RGS6: variants seen among roughly 807,000 people sequenced by gnomAD.
The protein encoded by RGS6 is regulator of G protein signaling 6.
A neutral mutation model predicts 78.5 loss-of-function variants in RGS6; 30 were observed. That is an observed-to-expected ratio of 0.38 (90% confidence interval 0.29 to 0.52). The LOEUF (loss-of-function observed/expected upper bound fraction) is 0.52. RGS6 is among the 20% of genes least tolerant of loss of function. The pLI is 0.85. For synonymous variants in RGS6, 206 were observed against 206.0 expected (o/e 1.00, Z 0.00); for missense variants, 495 against 609.7 (o/e 0.81, Z 1.98).
intron 2 of RGS6, among the ~76,000 whole-genome samples, chr14:72,264,479 G>A (rs2058701269): frequency 6.6e-6 from 1 of 152,120 alleles, no homozygotes; most frequent in South Asian, 2.1e-4. Context: ...TTTCTTTAAA[G>A]TACAACTTAT....
At chr14:72,465,580 GGATGGA>G (rs2095880761) in intron 6 of RGS6, among the ~76,000 whole-genome samples, 172 bp from the exon 7 acceptor site, 1 of 149,202 alleles carries the variant, frequency 6.7e-6, no homozygotes, top group South Asian at 2.2e-4. Context: ...ATGGATGGAT[GGATGGA>G]TGGATGGATG....
intron 3 of RGS6, among the ~76,000 whole-genome samples, chr14:72,394,485 C>G (rs933154337): frequency 6.6e-6 from 1 of 152,120 alleles, no homozygotes; most frequent in Non-Finnish European, 1.5e-5. Context: ...ATTCCTAGAG[C>G]GGCCATTTTA....
At chr14:71,893,206 C>T in the RGS6 span, among the ~76,000 whole-genome samples, 3 of 152,326 alleles carry the variant, frequency 2.0e-5, no homozygotes, top group East Asian at 5.8e-4. Context: ...ACTAGAGGGA[C>T]TTCAGGATTC....
chr14:72,138,980 C>G (rs1315777108), intron 2 of RGS6, among the ~76,000 whole-genome samples: 1 of 152,178 alleles, frequency 6.6e-6, no homozygotes, highest in African/African-American at 2.4e-5. Flanking sequence ...GTCACCCCCA[C>G]CGACCCACCC....
chr14:72,534,334 C>G (rs2097218358), intron 15 of RGS6, among the ~76,000 whole-genome samples: 1 of 152,180 alleles, frequency 6.6e-6, no homozygotes, highest in South Asian at 2.1e-4. Context: ...GTAAACATAA[C>G]TTTTATGTGT....
At chr14:72,499,301 T>C (rs1417309315) in intron 13 of RGS6, among the ~76,000 whole-genome samples, 1 of 152,216 alleles carries the variant, frequency 6.6e-6, no homozygotes, top group Non-Finnish European at 1.5e-5. Flanking sequence ...CCTCTGGCCT[T>C]ACTGTCCATA....
chr14:72,060,492 C>T (rs7153656), intron 2 of RGS6, among the ~76,000 whole-genome samples: 107,523 of 151,642 alleles, frequency 0.71, 38,192 homozygotes, highest in East Asian at 0.83. Flanking sequence ...ACTTAGTCTA[C>T]CGTATACAAA....
chr14:72,602,198 C>T, the RGS6 span, among the ~76,000 whole-genome samples: 1 of 152,180 alleles, frequency 6.6e-6, no homozygotes, highest in African/African-American at 2.4e-5. Flanking sequence ...TTTCCTCGGC[C>T]CTGTTCTGCC....
chr14:72,601,223 T>C, the RGS6 span, among the ~76,000 whole-genome samples: 2 of 152,084 alleles, frequency 1.3e-5, no homozygotes, highest in African/African-American at 4.8e-5. Context: ...CACACACCCT[T>C]AGCATTAACC....
chr14:72,213,823 G>A (rs780093073), intron 2 of RGS6, among the ~76,000 whole-genome samples: 19 of 152,214 alleles, frequency 1.2e-4, no homozygotes, highest in African/African-American at 2.2e-4. Flanking sequence ...TCCATTTGGC[G>A]TATTCTTTAA....
At chr14:72,569,555 C>T (rs145488145), downstream of RGS6, among the ~76,000 whole-genome samples, 19,779 of 152,092 alleles carry the variant, frequency 0.13, 2,201 homozygotes, top group African/African-American at 0.3. Flanking sequence ...TGGCAGGCAC[C>T]TGTAATCCCA....
At chr14:72,036,142 T>G (rs1271764062) in intron 2 of RGS6, among the ~76,000 whole-genome samples, 1 of 151,944 alleles carries the variant, frequency 6.6e-6, no homozygotes, top group African/African-American at 2.4e-5. Context: ...CTTTTGAGAC[T>G]GGCGTCTTTC....
chr14:72,092,269 C>T (rs2095292846), intron 2 of RGS6, among the ~76,000 whole-genome samples: 1 of 151,948 alleles, frequency 6.6e-6, no homozygotes, highest in African/African-American at 2.4e-5. Flanking sequence ...AAGTGATCCA[C>T]CCACTTCGGC....
chr14:72,069,698 C>T lies in RGS6; in HGVS notation c.84+104823C>T, dbSNP rs184680509. On this transcript the variant is annotated intron_variant, in intron 2 of 17. Coordinates refer to ENST00000553525, the MANE Select transcript of RGS6 (RefSeq NM_001204424.2). ...GGGACTACAGGCACACACCACCATG[C>T]CCAGCTAATTTTTGTATTTTTAGTA... Among the ~76,000 whole-genome samples, 568 of 152,058 alleles carry T rather than the reference C, an allele frequency of 3.7e-3. 1 individual carries two copies. Among genetic ancestry groups the T allele is most frequent in the African/African-American group, 0.013 (555 of 41,476 alleles).
At chr14:72,042,129 CTTTTTT>C in intron 2 of RGS6, among the ~76,000 whole-genome samples, 1 of 134,524 alleles carries the variant, frequency 7.4e-6, no homozygotes, top group South Asian at 2.4e-4. Context: ...TTTTCTTTTT[CTTTTTT>C]TTTTTTTTTT....
At chr14:72,538,807 A>C (rs1290616283) in intron 16 of RGS6, among the ~76,000 whole-genome samples, 1 of 152,184 alleles carries the variant, frequency 6.6e-6, no homozygotes, top group Non-Finnish European at 1.5e-5. Context: ...CTGCAACCTC[A>C]TATCTGTCTT....
upstream of RGS6, chr14:71,932,307 G>C (rs1380004413): frequency 2.0e-5 from 3 of 151,534 alleles, no homozygotes; most frequent in Non-Finnish European, 4.4e-5. Flanking sequence ...CCTGCAGCAC[G>C]CGGTCCGGGC....
chr14:72,251,072 A>G (rs1455641030), intron 2 of RGS6, among the ~76,000 whole-genome samples: 1 of 152,262 alleles, frequency 6.6e-6, no homozygotes, highest in Non-Finnish European at 1.5e-5. Context: ...ATTGAGGGTT[A>G]GTAGTAAATG....
intron 2 of RGS6, among the ~76,000 whole-genome samples, chr14:72,320,070 G>A (rs2152507673): frequency 6.6e-6 from 1 of 152,180 alleles, no homozygotes; most frequent in South Asian, 2.1e-4. Context: ...ACCTATACAA[G>A]ACCACAGTTT....
Sources: allele counts gnomAD v4.1 joint callset (sites outside exome capture counted in the v4.1 genomes callset), GRCh38; gene constraint gnomAD v4.1.1; transcripts MANE v1.5; gene names NCBI Gene and HGNC (gene_info 2026-07-23, HGNC 2026-07-21).